PHACTR2: variants seen among roughly 807,000 people sequenced by gnomAD.
PHACTR2 encodes chromosome 6 open reading frame 56.
A neutral mutation model predicts 76.0 loss-of-function variants in PHACTR2; 30 were observed. The ratio of observed to expected loss-of-function variants is 0.39; its 90% CI spans 0.30 to 0.54. PHACTR2 has a LOEUF of 0.54. PHACTR2 is among the 20% of genes least tolerant of loss of function. The pLI, the probability that PHACTR2 is intolerant of heterozygous loss-of-function variation, is 0.61. For missense variants in PHACTR2, 696 were observed against 781.1 expected, an observed-to-expected ratio of 0.89 and a Z score of 1.30; for synonymous variants, 292 against 292.5, an observed-to-expected ratio of 1.00 and a Z score of 0.02.
In PHACTR2 at chr6:143,755,365, C is replaced by T. The variant is rs1410254543; in HGVS notation, c.454+1453C>T. 8 of 455,900 alleles carry T rather than the reference C, an allele frequency of 1.8e-5. No homozygotes were observed. Among genetic ancestry groups the T allele is most frequent in the Non-Finnish European group, 3.1e-5 (7 of 226,782 alleles). The allele number at this position is 455,900 out of a possible 1,614,324, so 28.2% of individuals were successfully genotyped here. The stretch of plus-strand genomic sequence containing the variant: ...TGGCAGCCTTCTCACATCCAAGAAT[C>T]GCATCCTGCATTACGTAACAGTGCC... On this transcript the variant is annotated intron_variant, in intron 4 of 12. Transcript: ENST00000440869. This position sits in a 1 kb window ranked among gnomAD's most constrained non-coding sequence, Gnocchi z 5.2.
In PHACTR2 at chr6:143,738,302, A is replaced by G. The variant is rs955526236; in HGVS notation, c.215-10683A>G. Among the ~76,000 whole-genome samples, 2 of 152,116 alleles carry G rather than the reference A, an allele frequency of 1.3e-5. No individual in the cohort carries two copies. Among genetic ancestry groups the G allele is most frequent in the African/African-American group, 4.8e-5 (2 of 41,406 alleles). On this transcript the variant is annotated intron_variant, in intron 2 of 12. Transcript: ENST00000440869. This position sits in a 1 kb window ranked among gnomAD's most constrained non-coding sequence, Gnocchi z 4.0. ...GAGGCAGAGGTTGCAGTGAGCCGAG[A>G]TTGTGACACTGCACTCCAGCCTGGG... is the stretch of plus-strand genomic sequence containing the variant.
chr6:143,574,365 A>G (rs771126853), intron 1 of PHACTR2, among the ~76,000 whole-genome samples: 1 of 152,120 alleles, frequency 6.6e-6, no homozygotes, highest in Non-Finnish European at 1.5e-5. Flanking sequence ...TTTCATTTAC[A>G]CTCAAGGCTA....
In PHACTR2 at chr6:143,621,396, A is replaced by G. The variant is rs368707861; in HGVS notation, c.13+13074A>G. ...GTGCAGAAGGGCAAATCCTTCCCAT[A>G]GTTCCTGCCTCTCTCTCTAGAGTAG... On this transcript the variant is annotated intron_variant, in intron 1 of 11. Transcript: ENST00000305766. This position sits in a 1 kb window ranked among gnomAD's most constrained non-coding sequence, Gnocchi z 4.1. Among the ~76,000 whole-genome samples, 4 of 152,322 alleles carry G rather than the reference A, an allele frequency of 2.6e-5. No individual in the cohort carries two copies. The highest frequency in any genetic ancestry group is 9.6e-5 in the African/African-American group (4 of 41,586).
intron 1 of PHACTR2, among the ~76,000 whole-genome samples, chr6:143,711,415 G>C (rs778614766): frequency 6.6e-6 from 1 of 152,166 alleles, no homozygotes; most frequent in Non-Finnish European, 1.5e-5. Flanking sequence ...GACATACAAA[G>C]ACATGTTTTT....
At chr6:143,622,965 A>C (rs1274475991) in intron 1 of PHACTR2, among the ~76,000 whole-genome samples, 1 of 152,298 alleles carries the variant, frequency 6.6e-6, no homozygotes, top group Non-Finnish European at 1.5e-5. Flanking sequence ...TGAGGAGTAC[A>C]AAGAAGCCAG....
In PHACTR2 at chr6:143,754,626, A is replaced by T. The variant is rs1779260543; in HGVS notation, c.454+714A>T. On this transcript the variant is annotated intron_variant, in intron 4 of 12. Coordinates refer to ENST00000440869, the MANE Select transcript of PHACTR2 (RefSeq NM_001100164.2). This position sits in a 1 kb window ranked among gnomAD's most constrained non-coding sequence, Gnocchi z 6.2. ...TACATGTCTATCAGGGACTCCCAGAACATTCACAAATTCCTAGTTATGGAT... is the reference window on the plus strand; with the variant it reads ...TACATGTCTATCAGGGACTCCCAGATCATTCACAAATTCCTAGTTATGGAT... Among the ~76,000 whole-genome samples the T allele has an allele frequency of 6.6e-6, 1 of 152,220 alleles. No homozygotes were observed.
chr6:143,725,198 CTTTTTTTTTT>C (rs59963214), intron 2 of PHACTR2, among the ~76,000 whole-genome samples: 1 of 61,802 alleles, frequency 1.6e-5, no homozygotes, highest in Non-Finnish European at 2.9e-5. Flanking sequence ...TTTGTGCTGT[CTTTTTTTTTT>C]TTTTTTTTTT....
intron 1 of PHACTR2, among the ~76,000 whole-genome samples, chr6:143,703,578 G>A (rs1178925159): frequency 6.6e-6 from 1 of 152,104 alleles, no homozygotes; most frequent in African/African-American, 2.4e-5. Context: ...ATATAGTAAT[G>A]TTTTCACATT....
rs528571635 is a variant in PHACTR2, at chr6:143,647,541, T to C, written c.13+39219T>C. ...CTTGCATTCCATTGAGACAGATACA[T>C]TTCTCAGTGCTTAATTTAGTTAAGT... On this transcript the variant is annotated intron_variant, in intron 1 of 11. Transcript: ENST00000305766. The surrounding 1 kb of genome is among the most constrained non-coding windows in gnomAD (Gnocchi z 4.2). Among the ~76,000 whole-genome samples, 49 of 152,334 alleles carry C rather than the reference T, an allele frequency of 3.2e-4. No individual in the cohort carries two copies. Among genetic ancestry groups the C allele is most frequent in the African/African-American group, 1.1e-3 (45 of 41,576 alleles).
intron 2 of PHACTR2, among the ~76,000 whole-genome samples, chr6:143,713,598 C>G (rs996165102): frequency 6.6e-6 from 1 of 152,130 alleles, no homozygotes; most frequent in African/African-American, 2.4e-5. Flanking sequence ...TGAGGACACC[C>G]GGCTGGGTGA....
rs143073766 is a variant in PHACTR2 at position 143,775,347 on chromosome 6, G to A, written c.1589+1132G>A. Among the ~76,000 whole-genome samples the A allele has an allele frequency of 5.5e-3, 838 of 152,292 alleles. 3 individuals are homozygous for A. Among genetic ancestry groups the A allele is most frequent in the Non-Finnish European group, 9.1e-3 (616 of 68,022 alleles). ...TTTACCAGTGGTCTCTCTCGCTCTC[G>A]TCTTCTTAATTCAGCCCTAACCTGT... On this transcript the variant is annotated intron_variant, in intron 8 of 12. Coordinates refer to ENST00000440869, the MANE Select transcript of PHACTR2 (RefSeq NM_001100164.2). This position sits in a 1 kb window ranked among gnomAD's most constrained non-coding sequence, Gnocchi z 4.4.
intron 2 of PHACTR2, among the ~76,000 whole-genome samples, chr6:143,736,338 T>C (rs941669795): frequency 1.3e-5 from 2 of 152,150 alleles, no homozygotes; most frequent in East Asian, 3.9e-4. Flanking sequence ...CCAGGCCTTA[T>C]GCAAAGCATA....
rs1157331282 is a variant in PHACTR2, at chr6:143,608,261, G to C, written c.-49G>C. On this transcript the variant is annotated 5_prime_UTR_variant, in exon 1 of 12. Coordinates refer to the PHACTR2 transcript ENST00000305766. This position sits in a 1 kb window ranked among gnomAD's most constrained non-coding sequence, Gnocchi z 4.6. ...GGTGCTTCGTTAGTCAGAAGAGCCA[G>C]GGCTTCCCGGCTGCCAGGCTACAGA... is the stretch of plus-strand genomic sequence containing the variant. 1 of 1,611,612 alleles carries C rather than the reference G, an allele frequency of 6.2e-7. No individual in the cohort carries two copies. The highest frequency in any genetic ancestry group is 1.3e-5 in the African/African-American group (1 of 75,004).
At chr6:143,544,642 G>A (rs1443365937) in intron 1 of PHACTR2, among the ~76,000 whole-genome samples, 1 of 152,142 alleles carries the variant, frequency 6.6e-6, no homozygotes, top group East Asian at 1.9e-4. Flanking sequence ...CCATTGTAAG[G>A]CTTACTGTGC....
intron 1 of PHACTR2, among the ~76,000 whole-genome samples, chr6:143,544,578 A>G (rs1462996938): frequency 2.0e-5 from 3 of 152,240 alleles, no homozygotes; most frequent in Non-Finnish European, 2.9e-5. Context: ...AAATGTGTGA[A>G]AAGTGCTTTT....
rs984955866 is a variant in PHACTR2 at position 143,791,498 on chromosome 6, T to C, written c.1845+2588T>C. ...ATTGGTCTGGGATGTGGCCTTCATA[T>C]TGGGATTTTTAGTAATTATAAATAT... On this transcript the variant is annotated intron_variant, in intron 11 of 12. Transcript: ENST00000440869. This position sits in a 1 kb window ranked among gnomAD's most constrained non-coding sequence, Gnocchi z 4.7. 2.6e-5 allele frequency among the ~76,000 whole-genome samples: 4 copies of C among 152,208 alleles called. No individual in the cohort carries two copies. The highest frequency in any genetic ancestry group is 6.5e-5 in the Admixed American group (1 of 15,280).
At chr6:143,555,923 CT>C (rs11325694) in intron 1 of PHACTR2, among the ~76,000 whole-genome samples, 28,019 of 138,634 alleles carry the variant, frequency 0.2, 2,549 homozygotes, top group Middle Eastern at 0.31. Flanking sequence ...TGACATTTAG[CT>C]TTTTTTTTTT....
Position 143,738,001 on chromosome 6 carries a change from A to C in PHACTR2, c.215-10984A>C, listed in dbSNP as rs1352680169. Among the ~76,000 whole-genome samples the C allele has an allele frequency of 6.6e-6, 1 of 152,234 alleles. No individual in the cohort carries two copies. The highest frequency in any genetic ancestry group is 1.5e-5 in the Non-Finnish European group (1 of 68,028). On this transcript the variant is annotated intron_variant, in intron 2 of 12. Coordinates refer to ENST00000440869, the MANE Select transcript of PHACTR2 (RefSeq NM_001100164.2). The surrounding 1 kb of genome is among the most constrained non-coding windows in gnomAD (Gnocchi z 4.0). Reference sequence around the variant, plus strand: ...GAAAGTAATAAACATGGATTTGGGGAAATTCCTACTCAAATCTTCTTACAA... The same window carrying C: ...GAAAGTAATAAACATGGATTTGGGGCAATTCCTACTCAAATCTTCTTACAA...
chr6:143,701,102 CT>C (rs1454679600), intron 1 of PHACTR2, among the ~76,000 whole-genome samples: 10 of 152,326 alleles, frequency 6.6e-5, no homozygotes, highest in African/African-American at 1.7e-4. Flanking sequence ...TTTATTTAAT[CT>C]GTTAAATATC....
Sources: gnomAD v4.1 joint callset for allele counts (sites outside exome capture counted in the v4.1 genomes callset) on GRCh38, gnomAD v4.1.1 for gene constraint, Gnocchi (gnomAD v3.1) non-coding constraint, MANE v1.5 for transcripts, NCBI Gene and HGNC (gene_info 2026-07-23, HGNC 2026-07-21) for gene names.